The following DAAM2 variants were observed in gnomAD, a reference collection of about 807,000 sequenced individuals.
DAAM2 encodes the protein dishevelled associated activator of morphogenesis 2.
In DAAM2, 39 loss-of-function variants were observed where a neutral mutation model predicts 120.7. That is an observed-to-expected ratio of 0.32 (90% CI 0.25 to 0.42). The LOEUF (loss-of-function observed/expected upper bound fraction) is 0.42, where lower values mean the gene tolerates loss of function less well. DAAM2 is among the 10% of genes least tolerant of loss of function. DAAM2 has a pLI of 1.00. For synonymous variants in DAAM2, 488 were observed against 524.9 expected (o/e 0.93, Z 0.96); for missense variants, 1,283 against 1,401.7 (o/e 0.92, Z 1.35).
intron 11 of DAAM2, among the ~76,000 whole-genome samples, chr6:39,876,867 G>GCCTT (rs1764894272): frequency 6.6e-6 from 1 of 152,166 alleles, no homozygotes; most frequent in African/African-American, 2.4e-5. Flanking sequence ...TGAAGAGGCA[G>GCCTT]CCTGGGGACA....
intron 1 of DAAM2, among the ~76,000 whole-genome samples, chr6:39,828,423 A>G (rs776881781): frequency 6.6e-6 from 1 of 152,170 alleles, no homozygotes; most frequent in Non-Finnish European, 1.5e-5. Flanking sequence ...CCTACTATGC[A>G]TTAGCCCTTG....
chr6:39,879,120 A>G (rs1481324207), intron 13 of DAAM2, 58 bp from the exon 14 acceptor site: 1 of 1,106,866 alleles, frequency 9.0e-7, no homozygotes, highest in African/African-American at 1.6e-5. Flanking sequence ...ATGGTGGGAG[A>G]CCTGAATGGC....
At chr6:39,858,871 T>G (rs564802371) in intron 2 of DAAM2, among the ~76,000 whole-genome samples, 2 of 152,046 alleles carry the variant, frequency 1.3e-5, no homozygotes, top group Non-Finnish European at 2.9e-5. Context: ...AAAGGTAGGA[T>G]AGAAGAGGAG....
intron 14 of DAAM2, among the ~76,000 whole-genome samples, chr6:39,882,703 GCA>G (rs59036252): frequency 6.7e-6 from 1 of 150,136 alleles, no homozygotes; most frequent in Non-Finnish European, 1.5e-5. Context: ...TTCTGTGAGC[GCA>G]CACACACACA....
chr6:39,879,254 C>T lies in DAAM2; in HGVS notation c.1622C>T (p.Pro541Leu). 1 of 1,537,612 alleles carries T rather than the reference C, an allele frequency of 6.5e-7. No homozygotes were observed. The highest frequency in any genetic ancestry group is 8.8e-7 in the Non-Finnish European group (1 of 1,136,664). ...TCCTCAATGACAACCAATGACCTGCCTCCACCCCCTCCTCCTCTGCCCTTT... is the reference window on the plus strand; with the variant it reads ...TCCTCAATGACAACCAATGACCTGCTTCCACCCCCTCCTCCTCTGCCCTTT... ...LSSSMTTNDLPPPPPPLPFAC... is the reference protein window; with the variant it reads ...LSSSMTTNDLLPPPPPLPFAC... Residue 541 changes from proline to leucine, a missense_variant, in exon 14 of 25, where the codon CCT (proline) becomes CTT (leucine). By Grantham distance (98) the Pro-to-Leu change is moderately conservative (BLOSUM62 -3). This residue lies in a region of DAAM2 where 748 missense variants were observed against 768.6 expected (regional missense o/e 0.97). Coordinates refer to ENST00000274867, the MANE Select transcript of DAAM2 (RefSeq NM_001201427.2).
Position 39,856,272 on chromosome 6 carries a change from G to A in DAAM2, c.-31G>A. ...ATCACAATGAGGACCTAGGGCATCT[G>A]TCTGCTGACGCCCCCTGGCCTGCAG... On this transcript the variant is annotated 5_prime_UTR_variant, in exon 2 of 25. Transcript: ENST00000274867. 1 of 1,449,600 alleles carries A rather than the reference G, an allele frequency of 6.9e-7. No individual in the cohort carries two copies. The highest frequency in any genetic ancestry group is 2.8e-5 in the Admixed American group (1 of 36,138). The allele number at this position is 1,449,600 out of a possible 1,614,324, so 89.8% of individuals were successfully genotyped here.
intron 8 of DAAM2, 117 bp downstream of exon 8, chr6:39,870,560 C>T (rs1027969677): frequency 7.2e-6 from 5 of 696,848 alleles, no homozygotes; most frequent in East Asian, 5.4e-5. Context: ...CCATTCCCAG[C>T]GCAGATTCAG....
intron 1 of DAAM2, chr6:39,822,995 T>G (rs1038411946): frequency 1.3e-5 from 2 of 152,184 alleles, no homozygotes; most frequent in African/African-American, 4.8e-5. Context: ...GAGAAATGTT[T>G]CTTTGTTTTC....
chr6:39,880,682 C>G (rs1459604999), intron 14 of DAAM2, among the ~76,000 whole-genome samples: 1 of 152,172 alleles, frequency 6.6e-6, no homozygotes, highest in Non-Finnish European at 1.5e-5. Flanking sequence ...GAAATGATCT[C>G]AAAAATTCCC....
chr6:39,854,632 A>G (rs1203483759), intron 1 of DAAM2, among the ~76,000 whole-genome samples: 1 of 152,246 alleles, frequency 6.6e-6, no homozygotes, highest in Non-Finnish European at 1.5e-5. Context: ...CTTAGGAAAT[A>G]AAGCAGTGTT....
chr6:39,896,525 T>A (rs1029620343), intron 19 of DAAM2, among the ~76,000 whole-genome samples: 2 of 152,158 alleles, frequency 1.3e-5, no homozygotes, highest in Admixed American at 1.3e-4. Flanking sequence ...TTTAAATACA[T>A]GTAAGAAAAG....
intron 21 of DAAM2, among the ~76,000 whole-genome samples, chr6:39,898,566 G>C (rs2149376683): frequency 6.6e-6 from 1 of 152,344 alleles, no homozygotes; most frequent in South Asian, 2.1e-4. Flanking sequence ...TTACCTGGTA[G>C]TAATAAAAAT....
At chr6:39,881,009 T>A (rs942068965) in intron 14 of DAAM2, among the ~76,000 whole-genome samples, 2 of 152,202 alleles carry the variant, frequency 1.3e-5, no homozygotes, top group African/African-American at 4.8e-5. Context: ...AAAAGAGAAA[T>A]AACATTCTGT....
intron 1 of DAAM2, chr6:39,819,294 G>A (rs1355637281): frequency 1.1e-4 from 17 of 152,136 alleles, no homozygotes; most frequent in Admixed American, 8.5e-4. Flanking sequence ...CTGAAAATGG[G>A]CTTGGGGAGC....
At chr6:39,900,381 A>G (rs574603126) in intron 23 of DAAM2, among the ~76,000 whole-genome samples, 173 bp downstream of exon 23, 1 of 152,210 alleles carries the variant, frequency 6.6e-6, no homozygotes, top group Non-Finnish European at 1.5e-5. Context: ...CATACCGCAA[A>G]GATCATGGTC....
In DAAM2 at chr6:39,878,292, C is replaced by T. The variant is rs2149328594; in HGVS notation, c.1360+31C>T. On this transcript the variant is annotated intron_variant, in intron 12 of 24. Coordinates refer to ENST00000274867, the MANE Select transcript of DAAM2 (RefSeq NM_001201427.2). This position sits in a 1 kb window ranked among gnomAD's most constrained non-coding sequence, Gnocchi z 5.0. ...GGGCTCTGCTTAAGCCTGCTGTCCA[C>T]TCCACATGCCCTTCCCCTGCCCAGC... The T allele has an allele frequency of 6.2e-7, 1 of 1,613,336 alleles. No homozygotes were observed. Among genetic ancestry groups the T allele is most frequent in the Admixed American group, 1.7e-5 (1 of 60,008 alleles).
intron 20 of DAAM2, 84 bp from the exon 21 acceptor site, chr6:39,897,091 C>A (rs1766150658): frequency 6.7e-7 from 1 of 1,499,920 alleles, no homozygotes; most frequent in Non-Finnish European, 9.1e-7. Flanking sequence ...TCACCCCTTT[C>A]TCTTAACACT....
intron 15 of DAAM2, chr6:39,885,236 ATGTGGG>A: frequency 6.6e-6 from 1 of 152,236 alleles, no homozygotes; most frequent in Non-Finnish European, 1.5e-5. Context: ...TTTAATTTAA[ATGTGGG>A]TGCCCACAGC....
Position 39,870,367 on chromosome 6 carries a change from C to T in DAAM2, c.901C>T (p.Arg301Trp), listed in dbSNP as rs995610152. Residue 301 changes from arginine (R) to tryptophan (W), a missense_variant, in exon 8 of 25, where the codon CGG becomes TGG. By Grantham distance (101) the Arg-to-Trp change is moderately radical (BLOSUM62 -3). Coordinates refer to ENST00000274867, the MANE Select transcript of DAAM2 (RefSeq NM_001201427.2). ...EDNLEFRLHL[R>W]YEFLMLGIQP... is the part of the protein sequence containing the mutation. Reference sequence around the variant, plus strand: ...TAATCTGGAGTTCCGCCTACATCTACGGTATGAATTCCTGATGCTGGGTAT... The same window carrying T: ...TAATCTGGAGTTCCGCCTACATCTATGGTATGAATTCCTGATGCTGGGTAT... 1.9e-6 allele frequency: 3 copies of T among 1,581,802 alleles called. No individual in the cohort carries two copies. The highest frequency in any genetic ancestry group is 1.8e-5 in the Admixed American group (1 of 55,808).
Sources: gnomAD v4.1 joint callset for allele counts (sites outside exome capture counted in the v4.1 genomes callset) on GRCh38, gnomAD v4.1.1 for gene constraint, gnomAD v4.1.1 regional missense constraint, Gnocchi (gnomAD v3.1) non-coding constraint, MANE v1.5 for transcripts, NCBI Gene and HGNC (gene_info 2026-07-23, HGNC 2026-07-21) for gene names.